Variants in DNAH3 observed in about 807,000 individuals in gnomAD.
DNAH3 encodes the protein axonemal beta dynein heavy chain 3.
In DNAH3, 332 loss-of-function variants were observed where a neutral mutation model predicts 432.5. The observed-to-expected ratio is 0.77, with a 90% confidence interval of 0.70 to 0.84. The LOEUF (loss-of-function observed/expected upper bound fraction) is 0.84. Among genes scored for constraint, DNAH3 ranks in the 40% least tolerant of loss-of-function variants. DNAH3 has a pLI of 0.00. For missense variants in DNAH3, 4,861 were observed against 5,114.0 expected (o/e 0.95, Z 1.51); for synonymous variants, 1,956 against 1,900.2 (o/e 1.03, Z -0.76).
At chr16:21,112,191 TA>T (rs1278002829) in intron 12 of DNAH3, 93 bp from the exon 13 acceptor site, 3 of 817,900 alleles carry the variant, frequency 3.7e-6, no homozygotes. Context: ...AGTAGCATTT[TA>T]AAAAATGTAG....
At chr16:20,941,730 G>C (rs1372033718) in intron 58 of DNAH3, among the ~76,000 whole-genome samples, 187 bp from the exon 59 acceptor site, 2 of 150,692 alleles carry the variant, frequency 1.3e-5, no homozygotes, top group Non-Finnish European at 2.9e-5. Flanking sequence ...CACCAGCCTT[G>C]GGGAGGGCAT....
Position 21,106,687 on chromosome 16 carries a change from AAC to A in DNAH3, c.2100-15_2100-14del. The stretch of plus-strand genomic sequence containing the variant: ...CTGATTACAAATGCTACAGAAAAGA[AAC>A]AGCCATTGTTATCATCATCATCATC... On this transcript the variant is annotated splice_polypyrimidine_tract_variant and intron_variant, in intron 14 of 61. Coordinates refer to ENST00000261383, the Ensembl canonical transcript of DNAH3. 6.8e-7 allele frequency: 1 copy of A among 1,468,926 alleles called. No homozygotes were observed. The highest frequency in any genetic ancestry group is 9.2e-7 in the Non-Finnish European group (1 of 1,089,902). 91.0% of individuals were successfully genotyped at this position (1,468,926 alleles called of 1,614,324 possible). A position where few individuals can be genotyped will look rare whatever the true frequency, so the allele number is the denominator to read the frequency against.
At chr16:21,038,059 C>T in intron 33 of DNAH3, 79 bp from the exon 34 acceptor site, 1 of 1,312,170 alleles carries the variant, frequency 7.6e-7, no homozygotes, top group South Asian at 1.3e-5. Flanking sequence ...TATCCTTGTC[C>T]TTGCCCCGTC....
intron 59 of DNAH3, among the ~76,000 whole-genome samples, chr16:20,938,965 A>C (rs551501254): frequency 6.6e-6 from 1 of 152,104 alleles, no homozygotes; most frequent in African/African-American, 2.4e-5. Context: ...GGGTTTTGCC[A>C]TGTTGCCCAA....
In DNAH3 at chr16:21,159,071, C is replaced by A. The variant is rs113376039; in HGVS notation, c.117+254G>T. ...AATGGTAGCTAGCACCACCACACCC[C>A]GAGACTGTGCCCCTTTCTGGGGAAC... On this transcript the variant is annotated intron_variant, in intron 1 of 61. Transcript: ENST00000261383. 3.2e-3 allele frequency among the ~76,000 whole-genome samples: 483 copies of A among 152,058 alleles called. 2 individuals are homozygous for A. The highest frequency in any genetic ancestry group is 9.7e-3 in the African/African-American group (402 of 41,478).
intron 3 of DNAH3, among the ~76,000 whole-genome samples, 170 bp downstream of exon 4, chr16:21,145,011 C>CT (rs1164885568): frequency 6.6e-6 from 1 of 152,090 alleles, no homozygotes. Context: ...ACTCAGGAGG[C>CT]TGAGGCAGGA....
chr16:20,984,736 G>A (rs188008767), intron 48 of DNAH3, among the ~76,000 whole-genome samples: 41 of 152,160 alleles, frequency 2.7e-4, no homozygotes, highest in Middle Eastern at 6.8e-3. Flanking sequence ...GGTGTGGTAC[G>A]CGCCTGCAAT....
At chr16:21,030,018 G>A (rs2088793148) in intron 37 of DNAH3, among the ~76,000 whole-genome samples, 1 of 151,918 alleles carries the variant, frequency 6.6e-6, no homozygotes, top group South Asian at 2.1e-4. Flanking sequence ...TTGTAGAGAT[G>A]GCTCACTGTG....
intron 3 of DNAH3, among the ~76,000 whole-genome samples, chr16:21,144,338 C>A (rs970011788): frequency 6.6e-6 from 1 of 152,184 alleles, no homozygotes; most frequent in African/African-American, 2.4e-5. Flanking sequence ...CTCTCTTTCT[C>A]TCCCCCTCCC....
intron 44 of DNAH3, among the ~76,000 whole-genome samples, chr16:20,989,372 C>G (rs1010727582): frequency 6.6e-6 from 1 of 151,776 alleles, no homozygotes; most frequent in Admixed American, 6.6e-5. Flanking sequence ...GAGCTAAACA[C>G]AGGGTGCTGA....
At position 21,021,946 on chromosome 16, in the gene DNAH3, C is replaced by T. The variant is rs766453523; in HGVS notation, c.5776+25G>A. 1.5e-5 allele frequency: 24 copies of T among 1,612,148 alleles called. 1 individual carries two copies. In the South Asian group the frequency reaches 1.9e-4, roughly 13 times the overall value. On this transcript the variant is annotated intron_variant, in intron 40 of 61. Coordinates refer to ENST00000261383, the Ensembl canonical transcript of DNAH3. The stretch of plus-strand genomic sequence containing the variant: ...CAAGGTAGACCCACCCCCCATGTGG[C>T]TTAAGAATCATGGCTAGCACTTACC...
At chr16:20,959,682 T>A (rs2084735060) in intron 53 of DNAH3, among the ~76,000 whole-genome samples, 1 of 149,542 alleles carries the variant, frequency 6.7e-6, no homozygotes, top group Non-Finnish European at 1.5e-5. Context: ...GGGGTTCACA[T>A]TAAATTTTGG....
At chr16:21,070,028 A>G (rs2090723785) in intron 22 of DNAH3, among the ~76,000 whole-genome samples, 1 of 152,194 alleles carries the variant, frequency 6.6e-6, no homozygotes, top group African/African-American at 2.4e-5. Context: ...CCAGAATTTG[A>G]ACCCAGGTAA....
chr16:20,955,363 G>A lies in DNAH3; in HGVS notation c.10827-306C>T, dbSNP rs1448174665. Among the ~76,000 whole-genome samples, 4 of 152,060 alleles carry A rather than the reference G, an allele frequency of 2.6e-5. No homozygotes were observed. In the East Asian group the frequency reaches 7.7e-4, roughly 29 times the overall value. On this transcript the variant is annotated intron_variant, in intron 54 of 61. Transcript: ENST00000261383. ...CTACCTCTTTTACCAGTGAGGAAGCGGAGGCATGGCAAGGTCAGGTGGGTT... is the reference window on the plus strand; with the variant it reads ...CTACCTCTTTTACCAGTGAGGAAGCAGAGGCATGGCAAGGTCAGGTGGGTT...
intron 43 of DNAH3, among the ~76,000 whole-genome samples, chr16:20,998,050 C>A (rs1044683754): frequency 2.6e-5 from 4 of 151,940 alleles, no homozygotes; most frequent in Non-Finnish European, 5.9e-5. Flanking sequence ...AAAAAGAAAA[C>A]AGGCATTTAA....
chr16:20,933,682 C>A (rs1327201099), intron 61 of DNAH3, among the ~76,000 whole-genome samples, 175 bp from the exon 62 acceptor site: 1 of 152,222 alleles, frequency 6.6e-6, no homozygotes, highest in Non-Finnish European at 1.5e-5. Context: ...ATACATGGGC[C>A]AGGCCTGACT....
At chr16:20,970,052 C>T in intron 51 of DNAH3, 62 bp from the exon 52 acceptor site, 2 of 1,451,838 alleles carry the variant, frequency 1.4e-6, no homozygotes, top group Non-Finnish European at 9.6e-7. Flanking sequence ...GGGGGCGAAG[C>T]AGAGCTCCAC....
chr16:21,027,503 C>T (rs555720591), intron 37 of DNAH3, among the ~76,000 whole-genome samples: 2 of 152,320 alleles, frequency 1.3e-5, no homozygotes, highest in East Asian at 3.9e-4. Flanking sequence ...TGATGGCCTT[C>T]CTACTTCTTA....
In DNAH3 at chr16:20,941,078, C is replaced by T. The variant is rs537876853; in HGVS notation, c.11654+323G>A. Among the ~76,000 whole-genome samples, 18 of 152,258 alleles carry T rather than the reference C, an allele frequency of 1.2e-4. No homozygotes were observed. In the South Asian group the frequency reaches 3.5e-3, roughly 30 times the overall value. ...TCACACCACTGCACTCCAACTTGAG[C>T]GACAGAGAGAGACCTCAACTCAGGA... On this transcript the variant is annotated intron_variant, in intron 59 of 61. Coordinates refer to ENST00000261383, the Ensembl canonical transcript of DNAH3.
Sources: allele counts gnomAD v4.1 joint callset (sites outside exome capture counted in the v4.1 genomes callset), GRCh38; gene constraint gnomAD v4.1.1; transcripts MANE v1.5; gene names NCBI Gene and HGNC (gene_info 2026-07-23, HGNC 2026-07-21).